Variants in RD3 observed in about 807,000 individuals in gnomAD.
RD3 encodes the protein protein RD3.
A neutral mutation model predicts 16.9 loss-of-function variants in RD3; 11 were observed. The ratio of observed to expected loss-of-function variants is 0.65; its 90% CI spans 0.41 to 1.08. The LOEUF (loss-of-function observed/expected upper bound fraction) is 1.08. Among genes scored for constraint, RD3 ranks in the 50% least tolerant of loss-of-function variants. The probability of loss-of-function intolerance (pLI) is 0.00; values close to 1 mark genes in which losing one functional copy is unlikely to be tolerated. For missense variants in RD3, 274 were observed against 267.4 expected (o/e 1.02, Z -0.17); for synonymous variants, 116 against 114.8 (o/e 1.01, Z -0.07).
In RD3 at chr1:211,478,222, G is replaced by T. The variant is rs369781019; in HGVS notation, c.*814C>A. 61 of 398,590 alleles carry T rather than the reference G, an allele frequency of 1.5e-4. 3 individuals are homozygous for T. The highest frequency in any genetic ancestry group is 7.8e-4 in the East Asian group (22 of 28,076). The allele number at this position is 398,590 out of a possible 1,614,324, so 24.7% of individuals were successfully genotyped here. A position where few individuals can be genotyped will look rare whatever the true frequency, so the allele number is the denominator to read the frequency against. On this transcript the variant is annotated 3_prime_UTR_variant, in exon 3 of 3. Transcript: ENST00000680073. ...CCATGCGATGACATTGTGGCGTGGG[G>T]TAATGAGTAACCTACCTCCACCCCT...
intron 1 of RD3, among the ~76,000 whole-genome samples, chr1:211,486,629 A>C (rs1309647402): frequency 6.6e-5 from 10 of 152,000 alleles, no homozygotes; most frequent in African/African-American, 2.4e-4. Flanking sequence ...CAAGTGGATC[A>C]CCTGAGGTCA....
Position 211,491,920 on chromosome 1 carries a change from C to G in RD3, c.-164G>C, listed in dbSNP as rs1705497084. The G allele has an allele frequency of 6.6e-6, 1 of 150,716 alleles. No homozygotes were observed. Among genetic ancestry groups the G allele is most frequent in the Non-Finnish European group, 1.5e-5 (1 of 67,866 alleles). 9.3% of individuals were successfully genotyped at this position (150,716 alleles called of 1,614,324 possible). ...GGCAGGGCAGTCTACATCCTCAAGTCTCCCTCAGCTTCTCTGCTGCTGCCG... is the reference window on the plus strand; with the variant it reads ...GGCAGGGCAGTCTACATCCTCAAGTGTCCCTCAGCTTCTCTGCTGCTGCCG... On this transcript the variant is annotated 5_prime_UTR_variant, in exon 1 of 3. Coordinates refer to ENST00000680073, the MANE Select transcript of RD3 (RefSeq NM_001164688.2).
chr1:211,478,080 G>T lies in RD3; in HGVS notation c.*956C>A, dbSNP rs1367146764. ...CTTTCTGGAGAAAGCCAGAGAGCAG[G>T]TGTGACCAGCTGCAGAAAGCGGAAC... On this transcript the variant is annotated 3_prime_UTR_variant, in exon 3 of 3. Coordinates refer to ENST00000680073, the MANE Select transcript of RD3 (RefSeq NM_001164688.2). 1.8e-5 allele frequency: 7 copies of T among 398,634 alleles called. No homozygotes were observed. The highest frequency in any genetic ancestry group is 2.7e-5 in the Non-Finnish European group (6 of 226,142). The allele number at this position is 398,634 out of a possible 1,614,324, so 24.7% of individuals were successfully genotyped here.
intron 1 of RD3, among the ~76,000 whole-genome samples, chr1:211,483,943 C>T (rs895141993): frequency 6.6e-6 from 1 of 152,174 alleles, no homozygotes; most frequent in Non-Finnish European, 1.5e-5. Flanking sequence ...ACTGAATGTG[C>T]TGGGCTACTG....
At chr1:211,490,613 C>A (rs1243649822) in intron 1 of RD3, among the ~76,000 whole-genome samples, 1 of 152,248 alleles carries the variant, frequency 6.6e-6, no homozygotes, top group South Asian at 2.1e-4. Context: ...TGCCTCCCAG[C>A]TCTGTGTTTG....
At position 211,478,080 on chromosome 1, in the gene RD3, G is replaced by A. The variant is rs1367146764; in HGVS notation, c.*956C>T. 1.0e-5 allele frequency: 4 copies of A among 398,634 alleles called. No individual in the cohort carries two copies. The highest frequency in any genetic ancestry group is 1.3e-5 in the Non-Finnish European group (3 of 226,142). 24.7% of individuals were successfully genotyped at this position (398,634 alleles called of 1,614,324 possible). ...CTTTCTGGAGAAAGCCAGAGAGCAG[G>A]TGTGACCAGCTGCAGAAAGCGGAAC... is the stretch of plus-strand genomic sequence containing the variant. On this transcript the variant is annotated 3_prime_UTR_variant, in exon 3 of 3. Coordinates refer to ENST00000680073, the MANE Select transcript of RD3 (RefSeq NM_001164688.2).
Position 211,486,458 on chromosome 1 carries a change from C to A in RD3, c.-11-5032G>T, listed in dbSNP as rs867190605. On this transcript the variant is annotated intron_variant, in intron 1 of 2. Coordinates refer to ENST00000680073, the MANE Select transcript of RD3 (RefSeq NM_001164688.2). ...AGGTTGCAGTGAGCTGAGATCGTGC[C>A]ATTGCACTCCAGCCTGGGCAACAAA... 2.6e-5 allele frequency among the ~76,000 whole-genome samples: 4 copies of A among 151,626 alleles called. No homozygotes were observed. In the South Asian group the frequency reaches 8.3e-4, roughly 32 times the overall value.
rs932288506 is a variant in RD3 at position 211,481,061 on chromosome 1, A to G, written c.296+59T>C. 3 of 1,581,324 alleles carry G rather than the reference A, an allele frequency of 1.9e-6. No individual in the cohort carries two copies. The African/African-American group carries it at 4.0e-5, about 21-fold the overall frequency. On this transcript the variant is annotated intron_variant, in intron 2 of 2. Transcript: ENST00000680073. The stretch of plus-strand genomic sequence containing the variant: ...GTCCTGGTGGCCTCAGGCCCCTGCC[A>G]CTGCAGCCACCTTTCCTGGAGCCTG...
intron 1 of RD3, among the ~76,000 whole-genome samples, chr1:211,482,251 C>A (rs1158607077): frequency 6.6e-6 from 1 of 151,794 alleles, no homozygotes; most frequent in Non-Finnish European, 1.5e-5. Flanking sequence ...TTAACATTAA[C>A]CTGAAAAAAA....
rs1705188771 is a variant in RD3, at chr1:211,478,501, A to G, written c.*535T>C. On this transcript the variant is annotated 3_prime_UTR_variant, in exon 3 of 3. Transcript: ENST00000680073. ...TTTACTAGCTGAAGAGAGTGGATCT[A>G]AATGTCTCTCTGGTCCCTTCCAGCT... The G allele has an allele frequency of 3.8e-6, 1 of 261,454 alleles. No individual in the cohort carries two copies. The highest frequency in any genetic ancestry group is 2.2e-5 in the African/African-American group (1 of 45,434). The allele number at this position is 261,454 out of a possible 1,614,324, so 16.2% of individuals were successfully genotyped here.
intron 1 of RD3, among the ~76,000 whole-genome samples, chr1:211,486,925 G>T (rs1705385881): frequency 6.6e-6 from 1 of 151,948 alleles, no homozygotes. Context: ...AGTGTTTATG[G>T]GTGTCTACAA....
chr1:211,477,008 T>A lies in RD3; in HGVS notation c.*2028A>T, dbSNP rs1705159690. 1 of 152,046 alleles carries A rather than the reference T, an allele frequency of 6.6e-6. No homozygotes were observed. Among genetic ancestry groups the A allele is most frequent in the Admixed American group, 6.6e-5 (1 of 15,248 alleles). 9.4% of individuals were successfully genotyped at this position (152,046 alleles called of 1,614,324 possible). On this transcript the variant is annotated 3_prime_UTR_variant, in exon 3 of 3. Coordinates refer to ENST00000680073, the MANE Select transcript of RD3 (RefSeq NM_001164688.2). Reference sequence around the variant, plus strand: ...ACTTTTGCCCCTACCAGCTGAGCAGTCTGCTTACCAAGGGTCACTTCTGCT... The same window carrying A: ...ACTTTTGCCCCTACCAGCTGAGCAGACTGCTTACCAAGGGTCACTTCTGCT...
chr1:211,488,757 A>G (rs1395538068), intron 1 of RD3, among the ~76,000 whole-genome samples: 1 of 152,176 alleles, frequency 6.6e-6, no homozygotes, highest in African/African-American at 2.4e-5. Flanking sequence ...GGGTGGGGAC[A>G]GAGTTGCTGC....
chr1:211,488,721 C>T (rs919025302), intron 1 of RD3, among the ~76,000 whole-genome samples: 3 of 152,130 alleles, frequency 2.0e-5, no homozygotes, highest in Admixed American at 6.5e-5. Context: ...CTTTGGGCTG[C>T]GTTTCCCTCT....
rs532826321 is a variant in RD3, at chr1:211,489,182, A to G, written c.-12+2586T>C. ...GTAAATGTTTTATTTTTATAAACTA[A>G]CAATAAGCTGATTCACCTAGATCAG... On this transcript the variant is annotated intron_variant, in intron 1 of 2. Transcript: ENST00000680073. 3.3e-5 allele frequency among the ~76,000 whole-genome samples: 5 copies of G among 152,370 alleles called. No individual in the cohort carries two copies. The South Asian group carries it at 1.0e-3, about 32-fold the overall frequency.
At chr1:211,484,058 C>T (rs1294848872) in intron 1 of RD3, among the ~76,000 whole-genome samples, 8 of 152,162 alleles carry the variant, frequency 5.3e-5, no homozygotes, top group Non-Finnish European at 1.2e-4. Context: ...TTTTCTTGAC[C>T]TTCCCATCTC....
intron 1 of RD3, among the ~76,000 whole-genome samples, chr1:211,486,068 T>C (rs1215846906): frequency 6.6e-6 from 1 of 151,770 alleles, no homozygotes; most frequent in Non-Finnish European, 1.5e-5. Context: ...TTGAGCTAAC[T>C]TGAGCCTGGG....
At chr1:211,484,805 C>G (rs1705341634) in intron 1 of RD3, among the ~76,000 whole-genome samples, 5 of 152,194 alleles carry the variant, frequency 3.3e-5, no homozygotes, top group Admixed American at 3.3e-4. Flanking sequence ...GCCTTGCAAA[C>G]ACGTGTGGGG....
At chr1:211,491,532 G>A (rs936649363) in intron 1 of RD3, among the ~76,000 whole-genome samples, 4 of 152,094 alleles carry the variant, frequency 2.6e-5, no homozygotes, top group Middle Eastern at 3.2e-3. Context: ...CTATAGCCCC[G>A]AGGAAGCTGC....
Sources: allele counts gnomAD v4.1 joint callset (sites outside exome capture counted in the v4.1 genomes callset), GRCh38; gene constraint gnomAD v4.1.1; transcripts MANE v1.5; gene names NCBI Gene and HGNC (gene_info 2026-07-23, HGNC 2026-07-21).